The following DNAH12 variants were observed in gnomAD, a reference collection of about 807,000 sequenced individuals.
DNAH12 encodes dynein axonemal heavy chain 12.
DNAH12 carries 285 observed loss-of-function variants against 371.5 expected under a neutral mutation model. The ratio of observed to expected loss-of-function variants is 0.77; its 90% CI spans 0.70 to 0.85. The LOEUF (loss-of-function observed/expected upper bound fraction) is 0.85. DNAH12 is among the 40% of genes least tolerant of loss of function. DNAH12 has a pLI of 0.00. For synonymous variants in DNAH12, 1,200 were observed against 1,213.0 expected (o/e 0.99, Z 0.22); for missense variants, 3,611 against 3,689.4 (o/e 0.98, Z 0.55).
intron 4 of DNAH12, among the ~76,000 whole-genome samples, chr3:57,521,362 T>G (rs896011560): frequency 2.0e-5 from 3 of 152,050 alleles, no homozygotes; most frequent in Non-Finnish European, 4.4e-5. Context: ...CTGAATGATT[T>G]TCGCAACTTA....
chr3:57,463,776 T>C (rs1194053554), intron 17 of DNAH12, among the ~76,000 whole-genome samples: 2 of 152,040 alleles, frequency 1.3e-5, no homozygotes, highest in Non-Finnish European at 1.5e-5. Context: ...ATACTCTTTA[T>C]TTATTTATTT....
chr3:57,342,965 G>A (rs1398381107), intron 60 of DNAH12, among the ~76,000 whole-genome samples: 1 of 151,838 alleles, frequency 6.6e-6, no homozygotes, highest in Non-Finnish European at 1.5e-5. Context: ...CCAGCTACTT[G>A]GGAAGCTGGG....
chr3:57,347,721 T>TTA (rs1553658560), intron 60 of DNAH12, among the ~76,000 whole-genome samples: 2 of 131,232 alleles, frequency 1.5e-5, no homozygotes, highest in Admixed American at 1.5e-4. Flanking sequence ...GAATCTGTCT[T>TTA]AAAAAAAAAA....
intron 60 of DNAH12, among the ~76,000 whole-genome samples, chr3:57,336,122 G>A (rs1231338777): frequency 6.6e-6 from 1 of 152,170 alleles, no homozygotes; most frequent in Non-Finnish European, 1.5e-5. Flanking sequence ...GCTGAGATTA[G>A]AGGTGTGGGC....
chr3:57,531,977 C>T (rs918404149), intron 2 of DNAH12, among the ~76,000 whole-genome samples: 2 of 151,806 alleles, frequency 1.3e-5, no homozygotes, highest in East Asian at 1.9e-4. Context: ...TTAGATTTGC[C>T]CTTTGGAGGC....
chr3:57,413,675 A>AT, intron 39 of DNAH12, 71 bp downstream of exon 39: 1 of 1,443,240 alleles, frequency 6.9e-7, no homozygotes, highest in Non-Finnish European at 9.3e-7. Flanking sequence ...AAAATGTATT[A>AT]TTTTACTTTA....
At chr3:57,494,102 A>G (rs1199757485) in intron 11 of DNAH12, among the ~76,000 whole-genome samples, 1 of 152,130 alleles carries the variant, frequency 6.6e-6, no homozygotes, top group African/African-American at 2.4e-5. Flanking sequence ...GTGTGATGGC[A>G]CACGCCTGTT....
intron 49 of DNAH12, among the ~76,000 whole-genome samples, chr3:57,383,105 A>G (rs1033576164): frequency 3.3e-4 from 50 of 152,286 alleles, no homozygotes; most frequent in Non-Finnish European, 3.2e-4. Context: ...GAGGCTTCCT[A>G]CTCAGAGAGA....
rs1245307403 is a variant in DNAH12, at chr3:57,459,586, C to T, written c.2931+6G>A. The T allele has an allele frequency of 2.1e-6, 3 of 1,457,030 alleles. No individual in the cohort carries two copies. Among genetic ancestry groups the T allele is most frequent in the Non-Finnish European group, 2.8e-6 (3 of 1,087,208 alleles). The allele number at this position is 1,457,030 out of a possible 1,614,324, so 90.3% of individuals were successfully genotyped here. On this transcript the variant is annotated splice_donor_region_variant and intron_variant, in intron 20 of 73. Transcript: ENST00000495027. Reference sequence around the variant, plus strand: ...CCTACTGTGAGAGAGAAAACAAACACTTCACCTTTGGATCTTTAGCACAAA... The same window carrying T: ...CCTACTGTGAGAGAGAAAACAAACATTTCACCTTTGGATCTTTAGCACAAA...
At chr3:57,474,123 C>G (rs1240137326) in intron 13 of DNAH12, among the ~76,000 whole-genome samples, 1 of 152,116 alleles carries the variant, frequency 6.6e-6, no homozygotes, top group Non-Finnish European at 1.5e-5. Context: ...GAGTCCCAGA[C>G]AGTCCATTGT....
At chr3:57,307,886 G>T (rs2061504770) in intron 69 of DNAH12, among the ~76,000 whole-genome samples, 1 of 152,062 alleles carries the variant, frequency 6.6e-6, no homozygotes, top group African/African-American at 2.4e-5. Context: ...AGGCCTAATT[G>T]CCACACACCA....
At chr3:57,445,640 A>G (rs1311033994) in intron 27 of DNAH12, among the ~76,000 whole-genome samples, 1 of 149,938 alleles carries the variant, frequency 6.7e-6, no homozygotes, top group Non-Finnish European at 1.5e-5. Flanking sequence ...AATTTTATGG[A>G]AAAAAATCAT....
intron 34 of DNAH12, 50 bp from the exon 35 acceptor site, chr3:57,425,191 A>AG: frequency 1.5e-6 from 1 of 673,728 alleles, no homozygotes; most frequent in Non-Finnish European, 2.7e-6. Context: ...TTATTTAGAA[A>AG]ATAAGAAAAA....
At chr3:57,523,703 C>A in intron 3 of DNAH12, 94 bp from the exon 4 acceptor site, 1 of 1,268,354 alleles carries the variant, frequency 7.9e-7, no homozygotes, top group African/African-American at 1.5e-5. Context: ...TTAAATATAT[C>A]TATTATTCCT....
intron 13 of DNAH12, among the ~76,000 whole-genome samples, chr3:57,476,966 G>T (rs2066549659): frequency 6.6e-6 from 1 of 152,134 alleles, no homozygotes. Context: ...GGCCAAATGG[G>T]AACAGCTCCA....
chr3:57,468,143 A>T (rs2066257722), intron 17 of DNAH12, among the ~76,000 whole-genome samples: 1 of 151,924 alleles, frequency 6.6e-6, no homozygotes, highest in Admixed American at 6.6e-5. Context: ...TTAAAATCTT[A>T]TTTTTTTCTG....
At chr3:57,483,619 A>AT in intron 12 of DNAH12, 108 bp from the exon 13 acceptor site, 1 of 1,239,104 alleles carries the variant, frequency 8.1e-7, no homozygotes, top group Non-Finnish European at 1.0e-6. Flanking sequence ...GATATCCTAA[A>AT]AAAATTGCTT....
chr3:57,517,119 T>C (rs1453079177), intron 4 of DNAH12, among the ~76,000 whole-genome samples: 2 of 152,168 alleles, frequency 1.3e-5, no homozygotes, highest in Non-Finnish European at 2.9e-5. Flanking sequence ...CAGGTCTCCA[T>C]AAATGTCACC....
intron 13 of DNAH12, among the ~76,000 whole-genome samples, chr3:57,482,873 GA>G (rs1341974170): frequency 7.2e-6 from 1 of 138,430 alleles, no homozygotes; most frequent in African/African-American, 2.7e-5. Context: ...ATTGAACAAT[GA>G]GAACACATGG....
Sources: gnomAD v4.1 joint callset for allele counts (sites outside exome capture counted in the v4.1 genomes callset) on GRCh38, gnomAD v4.1.1 for gene constraint, MANE v1.5 for transcripts, NCBI Gene and HGNC (gene_info 2026-07-23, HGNC 2026-07-21) for gene names.